TRIO: variants seen among roughly 807,000 people sequenced by gnomAD.
The protein encoded by TRIO is triple functional domain protein.
TRIO carries 58 observed loss-of-function variants against 351.9 expected under a neutral mutation model. The observed-to-expected ratio is 0.16, with a 90% CI of 0.13 to 0.21. TRIO has a LOEUF of 0.21. Among genes scored for constraint, TRIO ranks in the 10% least tolerant of loss-of-function variants. The pLI is 1.00. For synonymous variants in TRIO, 1,758 were observed against 1,595.7 expected, an observed-to-expected ratio of 1.10 and a Z score of -2.42; for missense variants, 3,201 against 4,027.8, an observed-to-expected ratio of 0.79 and a Z score of 5.56.
In TRIO at chr5:14,343,901, T is replaced by C. The variant is rs143819216; in HGVS notation, c.2046+7174T>C. 6.3e-3 allele frequency among the ~76,000 whole-genome samples: 965 copies of C among 152,358 alleles called. 11 individuals are homozygous for C. Among genetic ancestry groups the C allele is most frequent in the African/African-American group, 0.021 (883 of 41,588 alleles). Reference sequence around the variant, plus strand: ...TACCACCAGAAATGTATGTGAGTGATCTTCAGCTCTTCAGCATCTTACAAG... The same window carrying C: ...TACCACCAGAAATGTATGTGAGTGACCTTCAGCTCTTCAGCATCTTACAAG... On this transcript the variant is annotated intron_variant, in intron 11 of 56. Coordinates refer to ENST00000344204, the MANE Select transcript of TRIO (RefSeq NM_007118.4).
rs761296178 is a variant in TRIO, at chr5:14,316,753, G to A, written c.1731+10G>A. The A allele has an allele frequency of 5.3e-5, 85 of 1,608,752 alleles. No homozygotes were observed. Among genetic ancestry groups the A allele is most frequent in the Admixed American group, 2.5e-4 (15 of 59,396 alleles). ...GCAGGACGTTCAGCAGGTCAGTTTC[G>A]CCTCATGCCCTTCTGCATGGGAAAT... On this transcript the variant is annotated intron_variant, in intron 9 of 56. Transcript: ENST00000344204.
intron 26 of TRIO, 104 bp downstream of exon 26, chr5:14,390,404 T>C: frequency 9.7e-7 from 1 of 1,028,718 alleles, no homozygotes; most frequent in Non-Finnish European, 1.5e-6. Context: ...CTTCTGCTCA[T>C]ATCCATGCTT....
intron 1 of TRIO, among the ~76,000 whole-genome samples, chr5:14,220,259 C>T (rs1792525023): frequency 6.6e-6 from 1 of 152,086 alleles, no homozygotes; most frequent in South Asian, 2.1e-4. Flanking sequence ...AATTGTTTTG[C>T]AGCAGTATGG....
intron 1 of TRIO, among the ~76,000 whole-genome samples, chr5:14,236,026 A>G (rs1423746516): frequency 7.0e-6 from 1 of 143,534 alleles, no homozygotes; most frequent in Non-Finnish European, 1.5e-5. Context: ...CAAGCAACTC[A>G]CATAGTTGGT....
In TRIO at chr5:14,469,500, AAG is replaced by A. The variant is rs375686946; in HGVS notation, c.5764-1813_5764-1812del. On this transcript the variant is annotated intron_variant, in intron 37 of 56. Coordinates refer to ENST00000344204, the MANE Select transcript of TRIO (RefSeq NM_007118.4). Reference sequence around the variant, plus strand: ...TCTGTAGACCTATCTTCATGTAAGAAAGAGAGGAGAAGGACACAAAAAACAAC... The same window carrying A: ...TCTGTAGACCTATCTTCATGTAAGAAAGAGGAGAAGGACACAAAAAACAAC... Among the ~76,000 whole-genome samples the A allele has an allele frequency of 1.6e-4, 24 of 152,388 alleles. No homozygotes were observed. The East Asian group carries it at 3.5e-3, about 22-fold the overall frequency.
chr5:14,492,660 G>C lies in TRIO; in HGVS notation c.7726G>C (p.Glu2576Gln). The C allele has an allele frequency of 6.2e-7, 1 of 1,614,192 alleles. No homozygotes were observed. Among genetic ancestry groups the C allele is most frequent in the Non-Finnish European group, 8.5e-7 (1 of 1,180,036 alleles). ...GGATGAGATCAACGTCTACCAAGGA[G>C]AGGTCGTTCAAATTCTGGCCAGCAA... ...KEDEINVYQG[E>Q]VVQILASNQQ... is the part of the protein sequence containing the mutation. The change falls in exon 49 of 57, where the codon GAG becomes CAG. Residue 2576 changes from glutamate (E) to glutamine (Q), a missense_variant. Physicochemically the swap from Glu to Gln is conservative, Grantham distance 29. This residue lies in a region of TRIO where 1,089 missense variants were observed against 954.9 expected (regional missense o/e 1.14). Coordinates refer to ENST00000344204, the MANE Select transcript of TRIO (RefSeq NM_007118.4).
At chr5:14,492,546 T>C in intron 48 of TRIO, 21 bp from the exon 49 acceptor site, 2 of 1,612,594 alleles carry the variant, frequency 1.2e-6, no homozygotes, top group Non-Finnish European at 1.7e-6. Flanking sequence ...CCTTTCTCTG[T>C]CTTCATCTGT....
chr5:14,291,339 G>A, intron 5 of TRIO, 111 bp downstream of exon 5: 1 of 1,167,830 alleles, frequency 8.6e-7, no homozygotes, highest in Non-Finnish European at 1.2e-6. Flanking sequence ...TACTCACCGT[G>A]TGTGCTCTAA....
At chr5:14,472,467 T>A in intron 38 of TRIO, 125 bp from the exon 39 acceptor site, 1 of 1,028,672 alleles carries the variant, frequency 9.7e-7, no homozygotes, top group Non-Finnish European at 1.4e-6. Flanking sequence ...ATTTAACACC[T>A]AAATGTACAA....
intron 8 of TRIO, among the ~76,000 whole-genome samples, chr5:14,308,274 C>T (rs575088113): frequency 2.3e-4 from 35 of 152,124 alleles, no homozygotes; most frequent in African/African-American, 7.2e-4. Flanking sequence ...CCTAACCACC[C>T]GTTGTTCATC....
chr5:14,194,858 A>G (rs891660753), intron 1 of TRIO, among the ~76,000 whole-genome samples: 1 of 152,252 alleles, frequency 6.6e-6, no homozygotes, highest in Non-Finnish European at 1.5e-5. Context: ...CCTTTTACCC[A>G]GATATCTTAC....
At chr5:14,199,364 G>A (rs987913618) in intron 1 of TRIO, among the ~76,000 whole-genome samples, 2 of 152,134 alleles carry the variant, frequency 1.3e-5, no homozygotes, top group Admixed American at 1.3e-4. Context: ...ATGCAGAACT[G>A]CTAAATAATT....
At position 14,479,362 on chromosome 5, in the gene TRIO, G is replaced by C. The variant is rs1476881230; in HGVS notation, c.6243+12G>C. ...ATACCTTTTTTGAGGTAAGACCTAA[G>C]ATACAAACAGAAAGTATTTCTGAAT... On this transcript the variant is annotated intron_variant, in intron 42 of 56. Coordinates refer to ENST00000344204, the MANE Select transcript of TRIO (RefSeq NM_007118.4). 2 of 1,582,662 alleles carry C rather than the reference G, an allele frequency of 1.3e-6. No homozygotes were observed. Among genetic ancestry groups the C allele is most frequent in the South Asian group, 2.3e-5 (2 of 87,860 alleles).
At chr5:14,414,286 A>T (rs1354869576) in intron 33 of TRIO, among the ~76,000 whole-genome samples, 1 of 152,242 alleles carries the variant, frequency 6.6e-6, no homozygotes, top group African/African-American at 2.4e-5. Flanking sequence ...AAGCAAGAGT[A>T]CAATGTTGGT....
intron 1 of TRIO, among the ~76,000 whole-genome samples, chr5:14,265,099 T>C (rs78415756): frequency 1.3e-4 from 19 of 149,212 alleles, no homozygotes; most frequent in Middle Eastern, 3.5e-3. Flanking sequence ...TTTTTTTTTT[T>C]CCCAATCTCT....
intron 27 of TRIO, among the ~76,000 whole-genome samples, chr5:14,392,631 G>A (rs1331829423): frequency 2.6e-5 from 4 of 152,316 alleles, no homozygotes; most frequent in Admixed American, 2.0e-4. Context: ...ATGCACACAC[G>A]TTTATTGCGG....
intron 1 of TRIO, among the ~76,000 whole-genome samples, chr5:14,161,015 A>T (rs1375832799): frequency 6.6e-6 from 1 of 152,018 alleles, no homozygotes. Flanking sequence ...GGTTCAAGCG[A>T]TTCTCCTGCC....
chr5:14,187,827 G>T (rs867336155), intron 1 of TRIO, among the ~76,000 whole-genome samples: 17 of 150,942 alleles, frequency 1.1e-4, no homozygotes, highest in African/African-American at 4.0e-4. Flanking sequence ...GACAAAATGA[G>T]ACTTATGGGA....
chr5:14,389,333 T>A lies in TRIO; in HGVS notation c.3993T>A (p.Pro1331=), dbSNP rs778000183. The A allele has an allele frequency of 6.2e-7, 1 of 1,613,090 alleles. No individual in the cohort carries two copies. The highest frequency in any genetic ancestry group is 8.5e-7 in the Non-Finnish European group (1 of 1,179,664). The change falls in exon 25 of 57, where the codon CCT becomes CCA. Residue 1331 remains proline (P), a synonymous_variant. Transcript: ENST00000344204. ...EMTSGVEEIP[P]GIVNKELIIF... is the part of the protein sequence containing the mutation. Reference sequence around the variant, plus strand: ...CCAGTGGCGTGGAAGAGATTCCACCTGGCATTGTAAACAAAGAACTCATCA... The same window carrying A: ...CCAGTGGCGTGGAAGAGATTCCACCAGGCATTGTAAACAAAGAACTCATCA...
Sources: allele counts gnomAD v4.1 joint callset (sites outside exome capture counted in the v4.1 genomes callset), GRCh38; gene constraint gnomAD v4.1.1; regional missense constraint gnomAD v4.1.1; transcripts MANE v1.5; gene names NCBI Gene and HGNC (gene_info 2026-07-23, HGNC 2026-07-21).